FGF1: variants seen among roughly 807,000 people sequenced by gnomAD.
The protein encoded by FGF1 is fibroblast growth factor 1.
A neutral mutation model predicts 13.4 loss-of-function variants in FGF1; 9 were observed. The ratio of observed to expected loss-of-function variants is 0.67; its 90% confidence interval spans 0.40 to 1.17. The LOEUF is 1.17. FGF1 is among the 50% of genes most tolerant of loss of function. The probability of loss-of-function intolerance (pLI) is 0.01; values close to 1 mark genes in which losing one functional copy is unlikely to be tolerated. For missense variants in FGF1, 156 were observed against 192.7 expected (o/e 0.81, Z 1.13); for synonymous variants, 93 against 79.0 (o/e 1.18, Z -0.94).
At chr5:142,650,933 A>G (rs1767115561) in intron 1 of FGF1, among the ~76,000 whole-genome samples, 1 of 152,256 alleles carries the variant, frequency 6.6e-6, no homozygotes, top group Non-Finnish European at 1.5e-5. Context: ...AAATTTAAGT[A>G]AAAATATATA....
chr5:142,653,815 C>G (rs1461550834), intron 1 of FGF1, among the ~76,000 whole-genome samples: 2 of 152,194 alleles, frequency 1.3e-5, no homozygotes, highest in Non-Finnish European at 2.9e-5. Context: ...CACCTTGGGC[C>G]TGGTGCCGTG....
At chr5:142,606,573 A>G (rs576874099) in intron 2 of FGF1, among the ~76,000 whole-genome samples, 163 of 152,322 alleles carry the variant, frequency 1.1e-3, no homozygotes, top group African/African-American at 3.6e-3. Context: ...CAGTGAGCCG[A>G]GATCGTGCCA....
In FGF1 at chr5:142,614,104, G is replaced by T. The variant is rs1461312310; in HGVS notation, c.24C>A (p.Thr8=). MAEGEIT[T]FTALTEKFNL... is the part of the protein sequence containing the mutation. Reference sequence around the variant, plus strand: ...TAAACTTCTCGGTCAGGGCTGTGAAGGTGGTGATTTCCCCTTCAGCCATGG... The same window carrying T: ...TAAACTTCTCGGTCAGGGCTGTGAATGTGGTGATTTCCCCTTCAGCCATGG... The change falls in exon 2 of 4, where the codon ACC becomes ACA. Residue 8 remains threonine, a synonymous_variant. Coordinates refer to ENST00000337706, the MANE Select transcript of FGF1 (RefSeq NM_000800.5). 1.2e-6 allele frequency: 2 copies of T among 1,614,114 alleles called. No individual in the cohort carries two copies. The highest frequency in any genetic ancestry group is 1.6e-4 in the Middle Eastern group (1 of 6,084).
chr5:142,603,697 T>C (rs1206818474), intron 2 of FGF1, among the ~76,000 whole-genome samples: 3 of 152,202 alleles, frequency 2.0e-5, no homozygotes, highest in Non-Finnish European at 4.4e-5. Flanking sequence ...CTTTGAATTA[T>C]GTCTCCAATA....
intron 2 of FGF1, among the ~76,000 whole-genome samples, chr5:142,603,529 A>T (rs988542138): frequency 2.0e-5 from 3 of 152,170 alleles, no homozygotes; most frequent in Admixed American, 2.0e-4. Context: ...ACACTCTGAG[A>T]GGAAGGGCAG....
At chr5:142,599,216 C>CTA in intron 3 of FGF1, among the ~76,000 whole-genome samples, 2 of 152,346 alleles carry the variant, frequency 1.3e-5, no homozygotes, top group Middle Eastern at 6.8e-3. Context: ...ATTGATTTTA[C>CTA]TACCACTTGG....
Position 142,629,879 on chromosome 5 carries a change from A to T in FGF1, c.-34-15718T>A, listed in dbSNP as rs192634525. Among the ~76,000 whole-genome samples, 296 of 121,262 alleles carry T rather than the reference A, an allele frequency of 2.4e-3. 1 individual carries two copies. Among genetic ancestry groups the T allele is most frequent in the African/African-American group, 8.6e-3 (276 of 32,106 alleles). 79.6% of individuals were successfully genotyped at this position (121,262 alleles called of 152,430 possible). On this transcript the variant is annotated intron_variant, in intron 1 of 3. Coordinates refer to ENST00000337706, the MANE Select transcript of FGF1 (RefSeq NM_000800.5). ...ATGATATTATATATACATATATATT[A>T]TATATATATATATATATTTTTTTTT... is the stretch of plus-strand genomic sequence containing the variant.
intron 2 of FGF1, among the ~76,000 whole-genome samples, chr5:142,693,329 C>T (rs186462158): frequency 6.6e-6 from 1 of 152,066 alleles, no homozygotes; most frequent in African/African-American, 2.4e-5. Context: ...CTCACTCTGT[C>T]GCCCAGGCTG....
intron 1 of FGF1, among the ~76,000 whole-genome samples, chr5:142,630,060 A>G (rs558569876): frequency 1.3e-5 from 2 of 151,718 alleles, no homozygotes; most frequent in African/African-American, 4.8e-5. Context: ...CTCCCAGCTA[A>G]TTTTTGTATT....
At chr5:142,625,313 GACACACACACACACACACAC>G (rs59813387) in intron 1 of FGF1, among the ~76,000 whole-genome samples, 1 of 148,294 alleles carries the variant, frequency 6.7e-6, no homozygotes, top group Admixed American at 6.7e-5. Flanking sequence ...ACTACAAGCG[GACACACACACACACACACAC>G]ACACACACAC....
At chr5:142,635,208 TC>T (rs996626698) in intron 1 of FGF1, among the ~76,000 whole-genome samples, 6 of 152,186 alleles carry the variant, frequency 3.9e-5, no homozygotes, top group African/African-American at 1.4e-4. Context: ...GCCTCAATTT[TC>T]TTCAGTTTTC....
chr5:142,638,216 G>T (rs1295336497), intron 1 of FGF1, among the ~76,000 whole-genome samples: 1 of 151,980 alleles, frequency 6.6e-6, no homozygotes, highest in Non-Finnish European at 1.5e-5. Context: ...TCAAACAAGA[G>T]TGAACTCCTT....
intron 1 of FGF1, among the ~76,000 whole-genome samples, chr5:142,661,060 T>C (rs1769132024): frequency 6.6e-6 from 1 of 152,222 alleles, no homozygotes; most frequent in South Asian, 2.1e-4. Context: ...TCATACACCA[T>C]TCCTCTTGCA....
At chr5:142,634,299 G>A (rs1316866097) in intron 1 of FGF1, among the ~76,000 whole-genome samples, 1 of 152,124 alleles carries the variant, frequency 6.6e-6, no homozygotes, top group East Asian at 1.9e-4. Context: ...TTAAATGCAG[G>A]GCTTTTGTGC....
Position 142,643,386 on chromosome 5 carries a change from T to C in FGF1, c.-34-29225A>G, listed in dbSNP as rs1765506518. Among the ~76,000 whole-genome samples, 8 of 152,322 alleles carry C rather than the reference T, an allele frequency of 5.3e-5. No individual in the cohort carries two copies. The South Asian group carries it at 1.2e-3, about 24-fold the overall frequency. On this transcript the variant is annotated intron_variant, in intron 1 of 3. Coordinates refer to ENST00000337706, the MANE Select transcript of FGF1 (RefSeq NM_000800.5). The stretch of plus-strand genomic sequence containing the variant: ...AAGATGATTTTTGTTTTCTTCTTTA[T>C]GTTTTTCTATTTTTTCCTAATTTTC...
intron 1 of FGF1, among the ~76,000 whole-genome samples, chr5:142,635,308 C>T (rs530373644): frequency 6.6e-6 from 1 of 152,322 alleles, no homozygotes; most frequent in Admixed American, 6.5e-5. Context: ...CTGGCACATA[C>T]TAAGGTCTCA....
At chr5:142,690,190 G>A (rs904837331), upstream of FGF1, among the ~76,000 whole-genome samples, 3 of 150,976 alleles carry the variant, frequency 2.0e-5, no homozygotes, top group African/African-American at 4.9e-5. Context: ...GCGTGGTGGC[G>A]GGCGCCTGTA....
chr5:142,652,264 T>C (rs1418632226), intron 1 of FGF1, among the ~76,000 whole-genome samples: 1 of 152,238 alleles, frequency 6.6e-6, no homozygotes, highest in East Asian at 1.9e-4. Context: ...ATGGTGCTTC[T>C]TCTTGTTAAC....
At chr5:142,672,392 C>T (rs1375991416) in intron 1 of FGF1, among the ~76,000 whole-genome samples, 1 of 151,968 alleles carries the variant, frequency 6.6e-6, no homozygotes, top group African/African-American at 2.4e-5. Context: ...GTACCAGGCA[C>T]TGTATATTCA....
Sources: allele counts gnomAD v4.1 joint callset (sites outside exome capture counted in the v4.1 genomes callset), GRCh38; gene constraint gnomAD v4.1.1; transcripts MANE v1.5; gene names NCBI Gene and HGNC (gene_info 2026-07-23, HGNC 2026-07-21).